MCC: variants seen among roughly 807,000 people sequenced by gnomAD.
MCC encodes MCC regulator of Wnt signaling pathway.
MCC carries 90 observed loss-of-function variants against 116.2 expected under a neutral mutation model. That is an observed-to-expected ratio of 0.77 (90% confidence interval 0.65 to 0.92). The LOEUF is 0.92. Ranked by LOEUF, MCC falls within the 40% of genes least tolerant of loss-of-function variation. The pLI, the probability that MCC is intolerant of heterozygous loss-of-function variation, is 0.00. For synonymous variants in MCC, 578 were observed against 510.5 expected (o/e 1.13, Z -1.78); for missense variants, 1,516 against 1,312.2 (o/e 1.16, Z -2.40).
intron 13 of MCC, among the ~76,000 whole-genome samples, chr5:113,067,515 T>G (rs1332184177): frequency 2.0e-5 from 3 of 152,172 alleles, no homozygotes; most frequent in Non-Finnish European, 4.4e-5. Flanking sequence ...CATGTGCCTG[T>G]AATCCCAGCT....
At chr5:113,447,843 C>T (rs1442427255) in intron 1 of MCC, among the ~76,000 whole-genome samples, 6 of 119,558 alleles carry the variant, frequency 5.0e-5, no homozygotes, top group African/African-American at 9.6e-5. Flanking sequence ...TGCCACAGGG[C>T]GGCCCACCGA....
At chr5:113,211,730 TA>T (rs1237411347) in intron 3 of MCC, among the ~76,000 whole-genome samples, 3 of 152,206 alleles carry the variant, frequency 2.0e-5, no homozygotes, top group Non-Finnish European at 4.4e-5. Flanking sequence ...TTTAACTCAT[TA>T]TCTCAACTAC....
chr5:113,285,754 C>T (rs1208648259), intron 3 of MCC, among the ~76,000 whole-genome samples: 1 of 152,198 alleles, frequency 6.6e-6, no homozygotes, highest in Non-Finnish European at 1.5e-5. Context: ...CACCACTGAA[C>T]ATTTGTGTAC....
At chr5:113,446,991 C>T (rs1378700287) in intron 1 of MCC, among the ~76,000 whole-genome samples, 1 of 152,132 alleles carries the variant, frequency 6.6e-6, no homozygotes, top group Non-Finnish European at 1.5e-5. Context: ...TTTCTAGTAA[C>T]TGGTCCAACC....
At chr5:113,083,634 A>G (rs1275213069) in intron 10 of MCC, among the ~76,000 whole-genome samples, 1 of 152,194 alleles carries the variant, frequency 6.6e-6, no homozygotes. Flanking sequence ...AGACTCCACA[A>G]ATGAAAACTC....
At chr5:113,246,050 C>CA (rs1764562878) in intron 3 of MCC, among the ~76,000 whole-genome samples, 1 of 151,746 alleles carries the variant, frequency 6.6e-6, no homozygotes, top group South Asian at 2.1e-4. Flanking sequence ...AGATGGGGAA[C>CA]AAAAAAGAAT....
rs1436948813 is a variant in MCC, at chr5:113,122,706, A to G, written c.1005T>C (p.Ser335=). The change falls in exon 6 of 19, where the codon TCT becomes TCC. Residue 335 remains serine (S), a synonymous_variant. Transcript: ENST00000408903. ...CACCCATGTCAGCAGTAACCATGGTAGACTGGTTTTCGGGGATAGAGACAG... is the reference window on the plus strand; with the variant it reads ...CACCCATGTCAGCAGTAACCATGGTGGACTGGTTTTCGGGGATAGAGACAG... ...QTSVSIPENQ[S]TMVTADMDNC... The G allele has an allele frequency of 1.7e-5, 28 of 1,614,030 alleles. No individual in the cohort carries two copies. The highest frequency in any genetic ancestry group is 2.0e-5 in the Non-Finnish European group (24 of 1,180,012).
chr5:113,487,922 A>G (rs1021399469), intron 1 of MCC, among the ~76,000 whole-genome samples: 3 of 152,146 alleles, frequency 2.0e-5, no homozygotes, highest in Non-Finnish European at 4.4e-5. Flanking sequence ...TACCTGGGAC[A>G]AGCGGCCAGA....
At chr5:113,453,305 C>T (rs1461411557) in intron 1 of MCC, among the ~76,000 whole-genome samples, 11 of 152,214 alleles carry the variant, frequency 7.2e-5, no homozygotes, top group African/African-American at 2.7e-4. Flanking sequence ...CGTACACACA[C>T]ACACGGGCAC....
chr5:113,137,089 G>C (rs1362913905), intron 5 of MCC, among the ~76,000 whole-genome samples: 1 of 152,208 alleles, frequency 6.6e-6, no homozygotes, highest in Non-Finnish European at 1.5e-5. Context: ...ATAAAGGAAA[G>C]AGGTTTAATT....
At chr5:113,300,935 G>C (rs893764723) in intron 3 of MCC, among the ~76,000 whole-genome samples, 2 of 152,170 alleles carry the variant, frequency 1.3e-5, no homozygotes, top group East Asian at 3.9e-4. Context: ...GAAAAACATG[G>C]ACAACCTGCA....
At chr5:113,047,668 G>C (rs1429131693) in intron 16 of MCC, among the ~76,000 whole-genome samples, 1 of 152,118 alleles carries the variant, frequency 6.6e-6, no homozygotes, top group Non-Finnish European at 1.5e-5. Flanking sequence ...AAACAAATGG[G>C]GGTCAAGAGA....
At chr5:113,037,562 G>A (rs1751405343) in intron 17 of MCC, among the ~76,000 whole-genome samples, 2 of 152,180 alleles carry the variant, frequency 1.3e-5, no homozygotes, top group South Asian at 4.1e-4. Flanking sequence ...GCGTGGTGGT[G>A]TGCACCTGTA....
chr5:113,377,274 C>T (rs1054808714), intron 2 of MCC, among the ~76,000 whole-genome samples: 4 of 152,054 alleles, frequency 2.6e-5, no homozygotes, highest in Admixed American at 2.0e-4. Context: ...AGGAACAAAA[C>T]TCAAGAAGTA....
At chr5:113,414,547 G>C (rs1018015930) in intron 1 of MCC, among the ~76,000 whole-genome samples, 2 of 151,980 alleles carry the variant, frequency 1.3e-5, no homozygotes, top group Admixed American at 1.3e-4. Context: ...TTTAATCTTT[G>C]TTGGTTTAAA....
intron 17 of MCC, among the ~76,000 whole-genome samples, chr5:113,035,070 C>T (rs908891615): frequency 3.3e-5 from 5 of 152,280 alleles, no homozygotes; most frequent in Admixed American, 1.3e-4. Flanking sequence ...TGTCTGTTTG[C>T]GGCCTCTTAA....
At chr5:113,123,199 A>G (rs1271572197) in intron 5 of MCC, among the ~76,000 whole-genome samples, 1 of 152,248 alleles carries the variant, frequency 6.6e-6, no homozygotes, top group Non-Finnish European at 1.5e-5. Context: ...CTAAGAGTCT[A>G]GCGCACAGCA....
chr5:113,191,410 T>C lies in MCC; in HGVS notation c.628-39988A>G, dbSNP rs149131049. ...GCCTAACCAGGAACATCGTTGGTCA[T>C]TGTGGGGAAACTGGCCCTGGAGGCC... On this transcript the variant is annotated intron_variant, in intron 3 of 18. Transcript: ENST00000408903. Among the ~76,000 whole-genome samples the C allele has an allele frequency of 2.3e-3, 345 of 152,300 alleles. 1 individual carries two copies. The highest frequency in any genetic ancestry group is 7.9e-3 in the African/African-American group (330 of 41,580).
chr5:113,303,514 GA>G (rs1477289436), intron 3 of MCC, among the ~76,000 whole-genome samples: 3 of 152,216 alleles, frequency 2.0e-5, no homozygotes, highest in African/African-American at 7.2e-5. Flanking sequence ...GAGAGTTTAA[GA>G]AAGCTGACAA....
Sources: gnomAD v4.1 joint callset for allele counts (sites outside exome capture counted in the v4.1 genomes callset) on GRCh38, gnomAD v4.1.1 for gene constraint, MANE v1.5 for transcripts, NCBI Gene and HGNC (gene_info 2026-07-23, HGNC 2026-07-21) for gene names.